GNAI1: variants seen among roughly 807,000 people sequenced by gnomAD.
GNAI1 encodes the protein guanine nucleotide-binding protein G(i) subunit alpha-1.
In GNAI1, 11 loss-of-function variants were observed where a neutral mutation model predicts 38.9. The ratio of observed to expected loss-of-function variants is 0.28; its 90% CI spans 0.18 to 0.47. GNAI1 has a LOEUF of 0.47. Ranked by LOEUF, GNAI1 falls within the 20% of genes least tolerant of loss-of-function variation. The probability of loss-of-function intolerance (pLI) is 0.99; values close to 1 mark genes in which losing one functional copy is unlikely to be tolerated. For missense variants in GNAI1, 317 were observed against 436.9 expected (o/e 0.73, Z 2.45); for synonymous variants, 166 against 145.1 (o/e 1.14, Z -1.04).
intron 1 of GNAI1, among the ~76,000 whole-genome samples, chr7:80,163,672 C>T (rs1584019929): frequency 6.6e-6 from 1 of 152,214 alleles, no homozygotes; most frequent in East Asian, 1.9e-4. Flanking sequence ...TTGCCTACCT[C>T]ATAGTCAGAG....
chr7:80,199,443 C>G, intron 4 of GNAI1, 61 bp downstream of exon 4: 1 of 1,253,300 alleles, frequency 8.0e-7, no homozygotes, highest in Non-Finnish European at 1.1e-6. Context: ...GTCAAATATA[C>G]TTCCAAGTCA....
rs1447499689 is a variant in GNAI1, at chr7:80,223,324, A to C, written c.*5831A>C. ...CAGGATTTTTTGTTTTTGCTAAATT[A>C]GACATACAATTTTGCAGTTATTTTT... is the stretch of plus-strand genomic sequence containing the variant. On this transcript the variant is annotated 3_prime_UTR_variant, in exon 8 of 8. Transcript: ENST00000649796. Among the ~76,000 whole-genome samples, 2 of 152,234 alleles carry C rather than the reference A, an allele frequency of 1.3e-5. No individual in the cohort carries two copies. The highest frequency in any genetic ancestry group is 4.8e-5 in the African/African-American group (2 of 41,452).
At chr7:80,143,347 G>T (rs539856483) in intron 1 of GNAI1, among the ~76,000 whole-genome samples, 1 of 152,114 alleles carries the variant, frequency 6.6e-6, no homozygotes, top group East Asian at 1.9e-4. Flanking sequence ...ATCTTGGGGG[G>T]TGGAGGTGGA....
chr7:80,164,039 CTTTTTTTT>C (rs35826632), intron 1 of GNAI1, among the ~76,000 whole-genome samples: 18 of 62,946 alleles, frequency 2.9e-4, no homozygotes, highest in Non-Finnish European at 1.5e-4. Context: ...CTGGTGCTTT[CTTTTTTTT>C]TTTTTTTTTT....
At position 80,222,285 on chromosome 7, in the gene GNAI1, T is replaced by C. The variant is rs1789092604; in HGVS notation, c.*4792T>C. Among the ~76,000 whole-genome samples the C allele has an allele frequency of 6.6e-6, 1 of 152,066 alleles. No homozygotes were observed. The highest frequency in any genetic ancestry group is 2.4e-5 in the African/African-American group (1 of 41,418). ...TGAGTATTGTGTATAAGGTCAAATA[T>C]TTCCAGCTTCTTTGATTTTACTGCC... On this transcript the variant is annotated 3_prime_UTR_variant, in exon 8 of 8. Transcript: ENST00000649796.
intron 1 of GNAI1, among the ~76,000 whole-genome samples, chr7:80,166,383 T>A (rs1584021846): frequency 6.6e-6 from 1 of 152,232 alleles, no homozygotes; most frequent in Non-Finnish European, 1.5e-5. Context: ...ATTTCGAAAT[T>A]GTTTAAAAAA....
At chr7:80,197,280 T>C (rs955466742) in intron 3 of GNAI1, among the ~76,000 whole-genome samples, 5 of 151,706 alleles carry the variant, frequency 3.3e-5, no homozygotes, top group Admixed American at 3.3e-4. Flanking sequence ...TATGTAGAAT[T>C]ATGAAAAAGA....
intron 1 of GNAI1, among the ~76,000 whole-genome samples, chr7:80,184,963 G>A (rs1470322411): frequency 6.6e-6 from 1 of 152,178 alleles, no homozygotes; most frequent in African/African-American, 2.4e-5. Context: ...TGACCAGCCA[G>A]GTTTCGTGAC....
At chr7:80,200,340 A>AAAAAAAAAAAAAAAAAAAC (rs1554351824) in intron 4 of GNAI1, among the ~76,000 whole-genome samples, 1 of 150,144 alleles carries the variant, frequency 6.7e-6, no homozygotes, top group Non-Finnish European at 1.5e-5. Context: ...AAAAAAAAAA[A>AAAAAAAAAAAAAAAAAAAC]AAAAAAACCT....
chr7:80,209,159 C>G (rs961358083), intron 5 of GNAI1, among the ~76,000 whole-genome samples: 1 of 152,116 alleles, frequency 6.6e-6, no homozygotes, highest in African/African-American at 2.4e-5. Context: ...CTACATATTA[C>G]CCAATTCCAA....
chr7:80,177,024 C>CTTTTT (rs569135086), intron 1 of GNAI1, among the ~76,000 whole-genome samples: 22 of 61,204 alleles, frequency 3.6e-4, no homozygotes, highest in East Asian at 5.1e-4. Context: ...GACAGCATAT[C>CTTTTT]TTTTTTTTTT....
At chr7:80,213,578 ACCT>A (rs1788908755) in intron 7 of GNAI1, among the ~76,000 whole-genome samples, 1 of 152,028 alleles carries the variant, frequency 6.6e-6, no homozygotes, top group Non-Finnish European at 1.5e-5. Flanking sequence ...TCCTTGGAGC[ACCT>A]CCTGGGTTGC....
At chr7:80,191,460 C>T (rs1788479085) in intron 3 of GNAI1, among the ~76,000 whole-genome samples, 2 of 152,122 alleles carry the variant, frequency 1.3e-5, no homozygotes, top group Non-Finnish European at 1.5e-5. Flanking sequence ...GGTGCAATCT[C>T]AGCTCACTGC....
At chr7:80,155,261 A>G (rs1787797962) in intron 1 of GNAI1, among the ~76,000 whole-genome samples, 1 of 152,154 alleles carries the variant, frequency 6.6e-6, no homozygotes, top group Admixed American at 6.5e-5. Context: ...AAACACAGGA[A>G]TTATTTTGGT....
chr7:80,164,162 A>G (rs1365793096), intron 1 of GNAI1, among the ~76,000 whole-genome samples: 1 of 145,506 alleles, frequency 6.9e-6, no homozygotes, highest in African/African-American at 2.6e-5. Flanking sequence ...CTTCTGCCTC[A>G]GCCTCCCAAG....
chr7:80,146,051 CT>C (rs1337439379), intron 1 of GNAI1, among the ~76,000 whole-genome samples: 1 of 152,148 alleles, frequency 6.6e-6, no homozygotes, highest in Non-Finnish European at 1.5e-5. Context: ...CAGGCATTCC[CT>C]CTGCTTAGCC....
At chr7:80,200,331 A>AAAAAAAAAAAAAAAAAAAAAAAAC (rs1788659892) in intron 4 of GNAI1, among the ~76,000 whole-genome samples, 1 of 149,602 alleles carries the variant, frequency 6.7e-6, no homozygotes, top group African/African-American at 2.5e-5. Context: ...TCTCAAAAAA[A>AAAAAAAAAAAAAAAAAAAAAAAAC]AAAAAAAAAA....
In GNAI1 at chr7:80,150,494, T is replaced by C. The variant is rs377153874; in HGVS notation, c.118+15216T>C. The stretch of plus-strand genomic sequence containing the variant: ...TAAAGTTAAAATATCCTCAGAACTA[T>C]GCCATATGTTTATAGGTACAAACAC... On this transcript the variant is annotated intron_variant, in intron 1 of 7. Coordinates refer to ENST00000649796, the MANE Select transcript of GNAI1 (RefSeq NM_002069.6). Among the ~76,000 whole-genome samples, 28 of 152,302 alleles carry C rather than the reference T, an allele frequency of 1.8e-4. No homozygotes were observed. The South Asian group carries it at 2.1e-3, about 11-fold the overall frequency.
At chr7:80,137,318 T>TC (rs1562819584) in intron 1 of GNAI1, among the ~76,000 whole-genome samples, 22 of 22,020 alleles carry the variant, frequency 1.0e-3, no homozygotes, top group African/African-American at 2.9e-3. Context: ...TTTTCTTTTC[T>TC]TTTTTTTTTT....
Sources: gnomAD v4.1 joint callset for allele counts (sites outside exome capture counted in the v4.1 genomes callset) on GRCh38, gnomAD v4.1.1 for gene constraint, MANE v1.5 for transcripts, NCBI Gene and HGNC (gene_info 2026-07-23, HGNC 2026-07-21) for gene names.